The following SMAP1 variants were observed in gnomAD, a reference collection of about 807,000 sequenced individuals.
SMAP1 encodes the protein small ArfGAP 1, also known as stromal membrane-associated protein 1.
Under a neutral mutation model 58.5 loss-of-function variants are expected in SMAP1, and 24 were observed. The observed-to-expected ratio is 0.41, with a 90% confidence interval of 0.30 to 0.58. The LOEUF (loss-of-function observed/expected upper bound fraction) is 0.58, where lower values mean the gene tolerates loss of function less well. Among genes scored for constraint, SMAP1 ranks in the 20% least tolerant of loss-of-function variants. The pLI is 0.29. For missense variants in SMAP1, 563 were observed against 566.3 expected, an observed-to-expected ratio of 0.99 and a Z score of 0.06; for synonymous variants, 216 against 196.6, an observed-to-expected ratio of 1.10 and a Z score of -0.82.
chr6:70,808,051 AT>A (rs1335740658), intron 6 of SMAP1, among the ~76,000 whole-genome samples: 1 of 152,160 alleles, frequency 6.6e-6, no homozygotes, highest in Non-Finnish European at 1.5e-5. Flanking sequence ...TTTACTATTC[AT>A]TAAGTGGAAG....
At chr6:70,684,946 C>G (rs1035843531) in intron 1 of SMAP1, among the ~76,000 whole-genome samples, 8 of 152,138 alleles carry the variant, frequency 5.3e-5, no homozygotes, top group African/African-American at 1.9e-4. Context: ...TCCTTTCACT[C>G]CCTCCTTCCT....
chr6:70,766,416 T>C (rs1766989033), intron 3 of SMAP1, among the ~76,000 whole-genome samples: 1 of 152,236 alleles, frequency 6.6e-6, no homozygotes, highest in African/African-American at 2.4e-5. Flanking sequence ...TGTTGTTTCC[T>C]GACTTTTTAA....
chr6:70,739,577 A>G (rs1293027253), intron 2 of SMAP1, among the ~76,000 whole-genome samples: 1 of 152,124 alleles, frequency 6.6e-6, no homozygotes, highest in Non-Finnish European at 1.5e-5. Context: ...TACATATGGT[A>G]TGCTTCTTCA....
intron 6 of SMAP1, among the ~76,000 whole-genome samples, chr6:70,811,443 G>C (rs1412246865): frequency 6.6e-6 from 1 of 152,080 alleles, no homozygotes; most frequent in Non-Finnish European, 1.5e-5. Context: ...ACTGGGTCTC[G>C]ATAGAAGAAT....
intron 9 of SMAP1, chr6:70,857,621 A>C: frequency 3.0e-6 from 1 of 330,298 alleles, no homozygotes; most frequent in East Asian, 6.6e-5. Flanking sequence ...GCAATAAAAC[A>C]GTGTATGATG....
chr6:70,847,181 G>T (rs1438094757), intron 7 of SMAP1, among the ~76,000 whole-genome samples: 1 of 152,070 alleles, frequency 6.6e-6, no homozygotes, highest in Non-Finnish European at 1.5e-5. Context: ...AGAGTCATTT[G>T]GCTCACTTCC....
At chr6:70,699,611 G>A (rs1767544209) in intron 1 of SMAP1, among the ~76,000 whole-genome samples, 1 of 152,034 alleles carries the variant, frequency 6.6e-6, no homozygotes. Context: ...CATCCAAGCT[G>A]CAAGACAAAG....
intron 7 of SMAP1, 44 bp downstream of exon 7, chr6:70,837,072 A>G: frequency 7.1e-7 from 1 of 1,402,918 alleles, no homozygotes; most frequent in Admixed American, 2.4e-5. Flanking sequence ...TTACAAAACA[A>G]TTGAAACCTT....
intron 10 of SMAP1, chr6:70,859,982 T>C (rs753282160): frequency 4.7e-6 from 2 of 426,176 alleles, no homozygotes; most frequent in Non-Finnish European, 8.0e-6. Context: ...TTTAAGTAAG[T>C]TGTGGTTAAT....
chr6:70,799,299 G>C (rs1768743818), intron 6 of SMAP1, among the ~76,000 whole-genome samples: 1 of 152,144 alleles, frequency 6.6e-6, no homozygotes. Context: ...AATTGTAGAT[G>C]TTTATTCTTT....
At chr6:70,788,636 C>G (rs1238779336) in intron 4 of SMAP1, among the ~76,000 whole-genome samples, 1 of 151,978 alleles carries the variant, frequency 6.6e-6, no homozygotes, top group Non-Finnish European at 1.5e-5. Flanking sequence ...AGAAGAGGGA[C>G]TAGCAAGAGG....
At chr6:70,688,798 T>A (rs1044231181) in intron 1 of SMAP1, among the ~76,000 whole-genome samples, 1 of 111,720 alleles carries the variant, frequency 9.0e-6, no homozygotes, top group African/African-American at 3.4e-5. Flanking sequence ...GTTCAATTTA[T>A]TAATTTTTTT....
intron 6 of SMAP1, among the ~76,000 whole-genome samples, chr6:70,818,165 G>C (rs994889444): frequency 6.6e-6 from 1 of 151,720 alleles, no homozygotes; most frequent in Non-Finnish European, 1.5e-5. Context: ...AGGTTGAGGC[G>C]GGCGGATTAC....
intron 1 of SMAP1, among the ~76,000 whole-genome samples, chr6:70,686,625 A>G (rs1194579019): frequency 6.6e-6 from 1 of 152,230 alleles, no homozygotes; most frequent in Non-Finnish European, 1.5e-5. Flanking sequence ...CAGAAGTACA[A>G]TTCTTTTTGT....
At chr6:70,818,228 T>C (rs542128774) in intron 6 of SMAP1, among the ~76,000 whole-genome samples, 1 of 145,990 alleles carries the variant, frequency 6.8e-6, no homozygotes, top group Admixed American at 6.8e-5. Context: ...ACCCCGTCTC[T>C]ACTAAAAAAT....
chr6:70,705,729 AG>A (rs1188270956), intron 1 of SMAP1, among the ~76,000 whole-genome samples: 1 of 152,170 alleles, frequency 6.6e-6, no homozygotes, highest in African/African-American at 2.4e-5. Flanking sequence ...TGACAGGTAT[AG>A]CGTTCTTATT....
intron 8 of SMAP1, among the ~76,000 whole-genome samples, chr6:70,855,029 A>G (rs1196847001): frequency 8.0e-6 from 1 of 124,718 alleles, no homozygotes; most frequent in Non-Finnish European, 1.8e-5. Context: ...GTTGACATGG[A>G]GAAACCCCTT....
intron 2 of SMAP1, among the ~76,000 whole-genome samples, chr6:70,747,417 G>A (rs1393200617): frequency 6.6e-6 from 1 of 152,160 alleles, no homozygotes; most frequent in Non-Finnish European, 1.5e-5. Flanking sequence ...GTCAGAGGAG[G>A]TAAAGGTGAA....
intron 6 of SMAP1, among the ~76,000 whole-genome samples, chr6:70,825,070 C>T (rs924298337): frequency 6.6e-6 from 1 of 152,170 alleles, no homozygotes; most frequent in African/African-American, 2.4e-5. Flanking sequence ...ACTCTGTGCT[C>T]ATGGAGCATC....
Sources: gnomAD v4.1 joint callset for allele counts (sites outside exome capture counted in the v4.1 genomes callset) on GRCh38, gnomAD v4.1.1 for gene constraint, MANE v1.5 for transcripts, NCBI Gene and HGNC (gene_info 2026-07-23, HGNC 2026-07-21) for gene names.